SMG6: variants seen among roughly 807,000 people sequenced by gnomAD.
SMG6 encodes the protein SMG6 nonsense mediated mRNA decay factor, also known as telomerase-binding protein EST1A.
Under a neutral mutation model 142.2 loss-of-function variants are expected in SMG6, and 66 were observed. That is an observed-to-expected ratio of 0.46 (90% CI 0.38 to 0.57). SMG6 has a LOEUF of 0.57. Ranked by LOEUF, SMG6 falls within the 20% of genes least tolerant of loss-of-function variation. The probability of loss-of-function intolerance (pLI) is 0.00; values close to 1 mark genes in which losing one functional copy is unlikely to be tolerated. For missense variants in SMG6, 1,793 were observed against 1,832.0 expected (o/e 0.98, Z 0.39); for synonymous variants, 779 against 702.4 (o/e 1.11, Z -1.72).
intron 8 of SMG6, chr17:2,280,681 TATATA>T: frequency 1.4e-6 from 1 of 696,600 alleles, no homozygotes; most frequent in South Asian, 6.5e-5. Context: ...AAACTAAAAA[TATATA>T]GTTTCATCAA....
chr17:2,202,219 A>G (rs1297917199), intron 10 of SMG6, among the ~76,000 whole-genome samples: 1 of 152,244 alleles, frequency 6.6e-6, no homozygotes, highest in Non-Finnish European at 1.5e-5. Flanking sequence ...ATATCCACAC[A>G]GTGAGGACTA....
intron 8 of SMG6, among the ~76,000 whole-genome samples, chr17:2,268,348 A>T (rs1280192935): frequency 1.3e-5 from 2 of 152,170 alleles, no homozygotes; most frequent in Non-Finnish European, 2.9e-5. Flanking sequence ...CCATGCTCTG[A>T]TCTATAATTG....
chr17:2,194,604 T>C lies in SMG6; in HGVS notation c.2870-6089A>G, dbSNP rs1052224398. 2.0e-5 allele frequency among the ~76,000 whole-genome samples: 3 copies of C among 151,838 alleles called. No individual in the cohort carries two copies. In the East Asian group the frequency reaches 5.8e-4, roughly 29 times the overall value. Reference sequence around the variant, plus strand: ...GGCTTACGCCTGTAATCCCAGCACTTTGGGATGCTGAGGCAGGAGGACTGC... The same window carrying C: ...GGCTTACGCCTGTAATCCCAGCACTCTGGGATGCTGAGGCAGGAGGACTGC... On this transcript the variant is annotated intron_variant, in intron 10 of 18. Transcript: ENST00000263073.
intron 1 of SMG6, among the ~76,000 whole-genome samples, chr17:2,301,006 G>T (rs1418191085): frequency 6.6e-6 from 1 of 152,184 alleles, no homozygotes; most frequent in Admixed American, 6.5e-5. Flanking sequence ...CAGAACAAAA[G>T]ACCTCTCTAA....
intron 13 of SMG6, among the ~76,000 whole-genome samples, chr17:2,104,406 C>T (rs1367637919): frequency 6.6e-6 from 1 of 152,154 alleles, no homozygotes; most frequent in African/African-American, 2.4e-5. Context: ...ACCATCCAGA[C>T]ATTCTAAAGC....
intron 10 of SMG6, chr17:2,214,143 T>C (rs920602216): frequency 1.3e-5 from 2 of 152,236 alleles, no homozygotes; most frequent in African/African-American, 2.4e-5. Flanking sequence ...ACTAACCCTG[T>C]TTTTGTTCTC....
intron 13 of SMG6, among the ~76,000 whole-genome samples, chr17:2,113,201 T>G (rs1199481661): frequency 6.6e-6 from 1 of 151,980 alleles, no homozygotes; most frequent in Non-Finnish European, 1.5e-5. Flanking sequence ...TCCTGATTAG[T>G]GAACAGCTAG....
intron 8 of SMG6, among the ~76,000 whole-genome samples, chr17:2,269,150 G>A (rs1340987802): frequency 6.7e-5 from 10 of 149,148 alleles, no homozygotes; most frequent in Non-Finnish European, 1.5e-4. Context: ...AACCTGGGAG[G>A]CGGAGCTTGC....
chr17:2,166,531 C>T (rs2151637273), intron 13 of SMG6, among the ~76,000 whole-genome samples: 1 of 152,304 alleles, frequency 6.6e-6, no homozygotes, highest in East Asian at 1.9e-4. Context: ...AATCACAGCT[C>T]ACTGCAGCCT....
intron 8 of SMG6, among the ~76,000 whole-genome samples, chr17:2,263,125 G>T (rs962970660): frequency 1.3e-5 from 2 of 152,118 alleles, no homozygotes; most frequent in African/African-American, 2.4e-5. Flanking sequence ...CTTACTAAAG[G>T]AAGTTTGGCT....
chr17:2,299,689 T>G lies in SMG6; in HGVS notation c.1064A>C (p.Asp355Ala). ...EYRGTLRVTF[D>A]AEAMNKESPM... ...AGACTCTTTGTTCATGGCTTCTGCATCGAAAGTGACACGAAGAGTGCCTCG... is the reference window on the plus strand; with the variant it reads ...AGACTCTTTGTTCATGGCTTCTGCAGCGAAAGTGACACGAAGAGTGCCTCG... The change falls in exon 2 of 19, where the codon GAT (aspartate) becomes GCT (alanine). Residue 355 changes from aspartate to alanine, a missense_variant. Coordinates refer to ENST00000263073, the MANE Select transcript of SMG6 (RefSeq NM_017575.5). This position sits in a 1 kb window ranked among gnomAD's most constrained non-coding sequence, Gnocchi z 4.3. The G allele has an allele frequency of 6.2e-7, 1 of 1,614,202 alleles. No homozygotes were observed. The highest frequency in any genetic ancestry group is 8.5e-7 in the Non-Finnish European group (1 of 1,180,032).
At chr17:2,216,416 C>G (rs1458120597) in intron 10 of SMG6, among the ~76,000 whole-genome samples, 2 of 152,168 alleles carry the variant, frequency 1.3e-5, no homozygotes, top group East Asian at 3.8e-4. Context: ...AAGCAGTCTA[C>G]TGTAACATTA....
chr17:2,137,080 C>T (rs1306835839), intron 13 of SMG6, among the ~76,000 whole-genome samples: 1 of 152,106 alleles, frequency 6.6e-6, no homozygotes, highest in African/African-American at 2.4e-5. Context: ...AGGAGGATCG[C>T]TACTTGAACC....
At chr17:2,261,464 T>G (rs1459179221) in intron 8 of SMG6, among the ~76,000 whole-genome samples, 1 of 152,264 alleles carries the variant, frequency 6.6e-6, no homozygotes, top group Non-Finnish European at 1.5e-5. Context: ...AGATTTCTTT[T>G]AACTCTGCAA....
chr17:2,189,071 A>G (rs550213340), intron 10 of SMG6, among the ~76,000 whole-genome samples: 1 of 152,294 alleles, frequency 6.6e-6, no homozygotes, highest in East Asian at 1.9e-4. Flanking sequence ...CATGACACAA[A>G]TAACCTACTT....
At chr17:2,201,138 G>C (rs1168807089) in intron 10 of SMG6, among the ~76,000 whole-genome samples, 1 of 152,150 alleles carries the variant, frequency 6.6e-6, no homozygotes, top group East Asian at 1.9e-4. Flanking sequence ...AGATACATCT[G>C]ACAAAGGACT....
At chr17:2,091,127 G>A (rs763221178) in intron 13 of SMG6, among the ~76,000 whole-genome samples, 6 of 152,214 alleles carry the variant, frequency 3.9e-5, no homozygotes, top group African/African-American at 2.4e-5. Context: ...GGAAACTGAA[G>A]GGTGGGAAGC....
intron 13 of SMG6, among the ~76,000 whole-genome samples, chr17:2,144,547 A>G (rs1421420316): frequency 6.7e-6 from 1 of 149,930 alleles, no homozygotes; most frequent in East Asian, 2.0e-4. Flanking sequence ...TTTGGGAATG[A>G]TAATTATTTA....
chr17:2,227,193 A>G (rs2073344298), intron 10 of SMG6, among the ~76,000 whole-genome samples: 1 of 152,260 alleles, frequency 6.6e-6, no homozygotes, highest in Non-Finnish European at 1.5e-5. Flanking sequence ...AAAGATACAC[A>G]TGCCATATGA....
Sources: allele counts gnomAD v4.1 joint callset (sites outside exome capture counted in the v4.1 genomes callset), GRCh38; gene constraint gnomAD v4.1.1; non-coding constraint Gnocchi (gnomAD v3.1); transcripts MANE v1.5; gene names NCBI Gene and HGNC (gene_info 2026-07-23, HGNC 2026-07-21).